HERC4: variants seen among roughly 807,000 people sequenced by gnomAD.
HERC4 encodes the protein probable E3 ubiquitin-protein ligase HERC4.
HERC4 carries 28 observed loss-of-function variants against 124.3 expected under a neutral mutation model. The observed-to-expected ratio is 0.23, with a 90% CI of 0.17 to 0.31. The LOEUF is 0.31. HERC4 is among the 10% of genes least tolerant of loss of function. The probability of loss-of-function intolerance (pLI) is 1.00; values close to 1 mark genes in which losing one functional copy is unlikely to be tolerated. For missense variants in HERC4, 713 were observed against 1,229.3 expected, an observed-to-expected ratio of 0.58 and a Z score of 6.28; for synonymous variants, 407 against 421.5, an observed-to-expected ratio of 0.97 and a Z score of 0.42.
chr10:68,070,443 T>C (rs572105379), intron 3 of HERC4: 5 of 190,282 alleles, frequency 2.6e-5, no homozygotes, highest in African/African-American at 7.1e-5. Flanking sequence ...CCCATCTCCA[T>C]TAAAATATGA....
chr10:68,005,308 T>TA (rs1163315867), intron 9 of HERC4, among the ~76,000 whole-genome samples: 1 of 152,232 alleles, frequency 6.6e-6, no homozygotes, highest in East Asian at 1.9e-4. Context: ...TATATCTTCT[T>TA]ATACTTTTTG....
intron 23 of HERC4, among the ~76,000 whole-genome samples, chr10:67,930,085 C>T (rs2031620554): frequency 6.6e-6 from 1 of 151,818 alleles, no homozygotes; most frequent in Non-Finnish European, 1.5e-5. Context: ...GGATTACAGG[C>T]GTGAGCCACC....
intron 16 of HERC4, chr10:67,958,977 A>G: frequency 5.4e-6 from 3 of 553,446 alleles, no homozygotes; most frequent in Non-Finnish European, 6.2e-6. Flanking sequence ...ACTGTATTTT[A>G]AAAAATGATA....
At chr10:68,033,828 A>G in intron 6 of HERC4, 137 bp downstream of exon 6, 1 of 665,300 alleles carries the variant, frequency 1.5e-6, no homozygotes, top group Non-Finnish European at 2.5e-6. Flanking sequence ...CCCCAAATGG[A>G]ATTTTTAAAT....
chr10:68,015,510 C>T (rs1342589531), intron 8 of HERC4, among the ~76,000 whole-genome samples: 6 of 151,408 alleles, frequency 4.0e-5, no homozygotes, highest in Non-Finnish European at 8.8e-5. Flanking sequence ...AAAGTCAATT[C>T]AAACTAACAC....
intron 3 of HERC4, among the ~76,000 whole-genome samples, chr10:68,049,590 C>CAAA (rs766514516): frequency 0.098 from 4,096 of 41,870 alleles, 875 homozygotes; most frequent in African/African-American, 0.31. Flanking sequence ...GACACTGCCA[C>CAAA]AAAAAAAAAA....
chr10:68,011,912 T>C (rs114991782), intron 9 of HERC4, among the ~76,000 whole-genome samples: 4,570 of 152,364 alleles, frequency 0.03, 238 homozygotes, highest in African/African-American at 0.1. Flanking sequence ...TTTGTCAACA[T>C]TGAAAATCTG....
At chr10:68,070,689 G>T (rs1564623046) in intron 3 of HERC4, 1 of 151,936 alleles carries the variant, frequency 6.6e-6, no homozygotes, top group Non-Finnish European at 1.5e-5. Context: ...TCCTATCACA[G>T]CAACTACTAC....
At chr10:67,927,811 C>T (rs1396848229) in intron 23 of HERC4, among the ~76,000 whole-genome samples, 2 of 152,140 alleles carry the variant, frequency 1.3e-5, no homozygotes, top group Admixed American at 1.3e-4. Flanking sequence ...CAAGTACTTA[C>T]TGAGTGCTCT....
At chr10:68,011,267 G>A (rs973148219) in intron 9 of HERC4, among the ~76,000 whole-genome samples, 3 of 152,132 alleles carry the variant, frequency 2.0e-5, no homozygotes, top group African/African-American at 7.2e-5. Context: ...GCCCAGGTTG[G>A]TCTCAAACTC....
intron 19 of HERC4, among the ~76,000 whole-genome samples, chr10:67,950,457 G>A (rs2033709896): frequency 6.6e-6 from 1 of 152,046 alleles, no homozygotes; most frequent in Non-Finnish European, 1.5e-5. Context: ...TGTATTTTTA[G>A]TAGAGACAGG....
chr10:68,069,587 G>A (rs996594716), intron 3 of HERC4: 1 of 985,306 alleles, frequency 1.0e-6, no homozygotes, highest in African/African-American at 1.7e-5. Flanking sequence ...TCCTCCAGTA[G>A]GTTATTATGA....
rs567896274 is a variant in HERC4 at position 68,026,315 on chromosome 10, C to T, written c.778-639G>A. ...TTTCCTGTATTGCCCAGGCTGGTCT[C>T]GAACTCCTGGGCTCAAGCAATCCTC... On this transcript the variant is annotated intron_variant, in intron 7 of 24. Coordinates refer to ENST00000373700, the MANE Select transcript of HERC4 (RefSeq NM_015601.4). Among the ~76,000 whole-genome samples the T allele has an allele frequency of 1.7e-4, 26 of 152,134 alleles. No individual in the cohort carries two copies. In the East Asian group the frequency reaches 4.5e-3, roughly 26 times the overall value.
At chr10:68,067,555 T>C (rs1490401082) in intron 3 of HERC4, 1 of 152,242 alleles carries the variant, frequency 6.6e-6, no homozygotes, top group Non-Finnish European at 1.5e-5. Flanking sequence ...TTTCCCATAG[T>C]TATATTTTCC....
Position 67,997,183 on chromosome 10 carries a change from A to G in HERC4, c.1070-4501T>C, listed in dbSNP as rs2036938727. On this transcript the variant is annotated intron_variant, in intron 9 of 24. Coordinates refer to ENST00000373700, the MANE Select transcript of HERC4 (RefSeq NM_015601.4). ...GAAGCTATAAAATGGTTAACATCTT[A>G]GCAAAGTTAACTCAATTTAGAAGGA... Among the ~76,000 whole-genome samples, 5 of 152,214 alleles carry G rather than the reference A, an allele frequency of 3.3e-5. No individual in the cohort carries two copies. The South Asian group carries it at 1.0e-3, about 31-fold the overall frequency.
intron 3 of HERC4, among the ~76,000 whole-genome samples, chr10:68,072,485 T>C (rs1389387206): frequency 6.6e-6 from 1 of 152,144 alleles, no homozygotes; most frequent in South Asian, 2.1e-4. Context: ...AGTAAAAAGC[T>C]TCCGTCTTGT....
intron 3 of HERC4, among the ~76,000 whole-genome samples, chr10:68,058,774 C>G (rs1304289537): frequency 6.6e-6 from 1 of 150,570 alleles, no homozygotes; most frequent in Non-Finnish European, 1.5e-5. Flanking sequence ...AAAGGTTAAG[C>G]AATGTGACCA....
In HERC4 at chr10:68,072,816, A is replaced by G. The variant is rs1305564246; in HGVS notation, c.226+67T>C. The G allele has an allele frequency of 1.0e-5, 11 of 1,098,586 alleles. No individual in the cohort carries two copies. In the Admixed American group the frequency reaches 1.3e-4, roughly 13 times the overall value. 68.1% of individuals were successfully genotyped at this position (1,098,586 alleles called of 1,614,324 possible). On this transcript the variant is annotated intron_variant, in intron 3 of 24. Coordinates refer to ENST00000373700, the MANE Select transcript of HERC4 (RefSeq NM_015601.4). ...ATATAGTTACAACTAGAGAAATTAT[A>G]CGATGATTCAAATTTAAAATGATAT... is the stretch of plus-strand genomic sequence containing the variant.
chr10:67,957,429 G>A (rs2034212417), intron 16 of HERC4, among the ~76,000 whole-genome samples: 1 of 152,152 alleles, frequency 6.6e-6, no homozygotes, highest in East Asian at 1.9e-4. Flanking sequence ...ATTATTATGA[G>A]TCCAATAATC....
Sources: allele counts gnomAD v4.1 joint callset (sites outside exome capture counted in the v4.1 genomes callset), GRCh38; gene constraint gnomAD v4.1.1; transcripts MANE v1.5; gene names NCBI Gene and HGNC (gene_info 2026-07-23, HGNC 2026-07-21).